Variants in KPNA7 observed in about 807,000 individuals in gnomAD.
The protein encoded by KPNA7 is importin subunit alpha-8.
KPNA7 carries 54 observed loss-of-function variants against 53.7 expected under a neutral mutation model. The ratio of observed to expected loss-of-function variants is 1.01; its 90% confidence interval spans 0.81 to 1.26. The LOEUF (loss-of-function observed/expected upper bound fraction) is 1.26, where lower values mean the gene tolerates loss of function less well. KPNA7 is among the 50% of genes most tolerant of loss of function. KPNA7 has a pLI of 0.00. For missense variants in KPNA7, 640 were observed against 644.5 expected, an observed-to-expected ratio of 0.99 and a Z score of 0.07; for synonymous variants, 276 against 259.3, an observed-to-expected ratio of 1.06 and a Z score of -0.62.
chr7:99,165,481 G>A, the KPNA7 span, among the ~76,000 whole-genome samples: 5 of 152,106 alleles, frequency 3.3e-5, no homozygotes, highest in Non-Finnish European at 2.9e-5. Flanking sequence ...GCAGTGGACA[G>A]ATAATCACTG....
At chr7:99,150,421 C>CTTTTTTTTT in the KPNA7 span, among the ~76,000 whole-genome samples, 1 of 14,874 alleles carries the variant, frequency 6.7e-5, no homozygotes. Flanking sequence ...AATCATTCTT[C>CTTTTTTTTT]TCTTTTTTTT....
chr7:99,149,520 G>C, the KPNA7 span, among the ~76,000 whole-genome samples: 1 of 152,186 alleles, frequency 6.6e-6, no homozygotes. Context: ...CAAGCTCTTG[G>C]TAAATGGCAG....
the KPNA7 span, among the ~76,000 whole-genome samples, chr7:99,153,549 C>CAA: frequency 2.3e-3 from 275 of 117,646 alleles, no homozygotes; most frequent in African/African-American, 5.6e-3. Flanking sequence ...GACACTGTCT[C>CAA]AAAAAAAAAA....
At chr7:99,180,503 G>GTC (rs149529881) in intron 9 of KPNA7, among the ~76,000 whole-genome samples, 67,309 of 146,518 alleles carry the variant, frequency 0.46, 19,171 homozygotes, top group East Asian at 0.67. Flanking sequence ...ATCTCTGTCT[G>GTC]TCTCTCTCTC....
intron 3 of KPNA7, among the ~76,000 whole-genome samples, chr7:99,201,471 G>A (rs1314908967): frequency 1.3e-5 from 2 of 151,868 alleles, no homozygotes; most frequent in Non-Finnish European, 2.9e-5. Flanking sequence ...AGACCATTCG[G>A]GCTAACATGG....
chr7:99,193,789 C>T (rs1374781678), intron 5 of KPNA7, among the ~76,000 whole-genome samples: 1 of 151,966 alleles, frequency 6.6e-6, no homozygotes, highest in Non-Finnish European at 1.5e-5. Flanking sequence ...GCAATTGTCC[C>T]ACCGTAGCCT....
chr7:99,217,158 T>G (rs1343869666), intron 1 of KPNA7, among the ~76,000 whole-genome samples: 1 of 152,160 alleles, frequency 6.6e-6, no homozygotes, highest in Admixed American at 6.6e-5. Flanking sequence ...ATATTGAACG[T>G]TAGCTTCCAA....
At chr7:99,166,516 T>C in the KPNA7 span, among the ~76,000 whole-genome samples, 2 of 152,324 alleles carry the variant, frequency 1.3e-5, no homozygotes, top group African/African-American at 2.4e-5. Flanking sequence ...GGTTTCACCA[T>C]GTTGGCCAGG....
intron 6 of KPNA7, among the ~76,000 whole-genome samples, chr7:99,192,507 G>T (rs1790008514): frequency 1.3e-5 from 2 of 152,062 alleles, no homozygotes; most frequent in South Asian, 2.1e-4. Context: ...CCCTCTCCTG[G>T]GCTCAAGCAA....
At chr7:99,158,928 A>C in the KPNA7 span, among the ~76,000 whole-genome samples, 1 of 151,636 alleles carries the variant, frequency 6.6e-6, no homozygotes, top group Non-Finnish European at 1.5e-5. Context: ...GTAGCGGTAC[A>C]ATCTTGGCTT....
chr7:99,150,357 C>A, the KPNA7 span, among the ~76,000 whole-genome samples: 12 of 151,656 alleles, frequency 7.9e-5, no homozygotes, highest in Admixed American at 4.6e-4. Flanking sequence ...GGGCCGCCCC[C>A]TAAAGTGCTG....
chr7:99,147,439 A>G, the KPNA7 span, among the ~76,000 whole-genome samples: 19 of 152,254 alleles, frequency 1.2e-4, no homozygotes, highest in Non-Finnish European at 2.5e-4. Context: ...ACCATTTTCA[A>G]TAAAAATGTA....
chr7:99,195,015 T>C, intron 5 of KPNA7, 55 bp downstream of exon 5: 6 of 1,523,750 alleles, frequency 3.9e-6, no homozygotes, highest in Non-Finnish European at 8.8e-7. Flanking sequence ...AGAAACCTTA[T>C]AGTATCCCAC....
Position 99,182,040 on chromosome 7 carries a change from G to T in KPNA7, c.1160C>A (p.Ala387Asp), listed in dbSNP as rs1289774683. 1 of 1,541,412 alleles carries T rather than the reference G, an allele frequency of 6.5e-7. No homozygotes were observed. ...TGCAAAGTTCGCCACCATCCAGACA[G>T]CCTCTTTCTGGACTTTAAATTCTCC... is the stretch of plus-strand genomic sequence containing the variant. ...KNGEFKVQKEAVWMVANFATG... is the reference protein window; with the variant it reads ...KNGEFKVQKEDVWMVANFATG... Residue 387 changes from alanine to aspartate, a missense_variant, in exon 9 of 11, where the codon GCT becomes GAT. Ala to Asp is a moderately radical substitution (Grantham distance 126, BLOSUM62 -2). Transcript: ENST00000327442.
At chr7:99,146,263 G>C in the KPNA7 span, among the ~76,000 whole-genome samples, 13 of 152,080 alleles carry the variant, frequency 8.5e-5, no homozygotes, top group African/African-American at 3.1e-4. Context: ...CTGGTTCTTC[G>C]TTGGCTTGAC....
downstream of KPNA7, among the ~76,000 whole-genome samples, chr7:99,170,345 C>T (rs145258386): frequency 3.3e-5 from 5 of 151,806 alleles, no homozygotes; most frequent in African/African-American, 9.7e-5. Context: ...CAAAGTGTCT[C>T]GAATTAAGTG....
the KPNA7 span, among the ~76,000 whole-genome samples, chr7:99,154,021 C>CA: frequency 2.6e-5 from 4 of 151,812 alleles, no homozygotes; most frequent in South Asian, 2.1e-4. Context: ...CTCCCCCTCC[C>CA]AAAAAACACT....
At chr7:99,211,586 GAGTT>G (rs1394926315), upstream of KPNA7, among the ~76,000 whole-genome samples, 2 of 151,894 alleles carry the variant, frequency 1.3e-5, no homozygotes, top group Non-Finnish European at 2.9e-5. Context: ...TAGAACAACA[GAGTT>G]AGTATCAGAG....
chr7:99,170,224 TAAC>T (rs1345498498), downstream of KPNA7, among the ~76,000 whole-genome samples: 3 of 151,936 alleles, frequency 2.0e-5, no homozygotes, highest in African/African-American at 7.3e-5. Flanking sequence ...CACACCAAAC[TAAC>T]AACAAACACC....
Sources: allele counts gnomAD v4.1 joint callset (sites outside exome capture counted in the v4.1 genomes callset), GRCh38; gene constraint gnomAD v4.1.1; transcripts MANE v1.5; gene names NCBI Gene and HGNC (gene_info 2026-07-23, HGNC 2026-07-21).